Variants in RNF114 observed in about 807,000 individuals in gnomAD.
The protein encoded by RNF114 is ring finger protein 114, also known as E3 ubiquitin-protein ligase RNF114.
In RNF114, 6 loss-of-function variants were observed where a neutral mutation model predicts 28.4. The ratio of observed to expected loss-of-function variants is 0.21; its 90% CI spans 0.12 to 0.42. The LOEUF (loss-of-function observed/expected upper bound fraction) is 0.42. RNF114 is among the 10% of genes least tolerant of loss of function. RNF114 has a pLI of 1.00. For synonymous variants in RNF114, 115 were observed against 116.7 expected, an observed-to-expected ratio of 0.99 and a Z score of 0.09; for missense variants, 249 against 311.7, an observed-to-expected ratio of 0.80 and a Z score of 1.51.
At chr20:49,944,775 G>A (rs988520917) in intron 2 of RNF114, 2 of 152,236 alleles carry the variant, frequency 1.3e-5, no homozygotes, top group African/African-American at 4.8e-5. Flanking sequence ...CAGCTACTCA[G>A]GAGGCTGAGG....
chr20:49,941,553 T>C lies in RNF114; in HGVS notation c.141-8T>C. On this transcript the variant is annotated splice_region_variant and splice_polypyrimidine_tract_variant and intron_variant, in intron 1 of 5. Coordinates refer to ENST00000244061, the MANE Select transcript of RNF114 (RefSeq NM_018683.4). ...CGTGACAGAGGTTCTCTGTATGTCT[T>C]GTTCTAGCTTTTGCTCTGCATGCCT... is the stretch of plus-strand genomic sequence containing the variant. 1 of 1,578,682 alleles carries C rather than the reference T, an allele frequency of 6.3e-7. No homozygotes were observed. Among genetic ancestry groups the C allele is most frequent in the Non-Finnish European group, 8.6e-7 (1 of 1,159,846 alleles).
intron 1 of RNF114, 142 bp downstream of exon 1, chr20:49,936,694 C>A: frequency 1.0e-6 from 1 of 990,784 alleles, no homozygotes. Flanking sequence ...CTCCTAAGGG[C>A]CGTGAAAGCT....
chr20:49,950,308 T>G (rs997491053), intron 5 of RNF114, among the ~76,000 whole-genome samples: 7 of 151,702 alleles, frequency 4.6e-5, no homozygotes, highest in African/African-American at 9.7e-5. Context: ...TACTTGCTCT[T>G]TCCATCTCCT....
At position 49,949,248 on chromosome 20, in the gene RNF114, G is replaced by T. The variant is rs1435998029; in HGVS notation, c.514G>T (p.Val172Phe). The change falls in exon 5 of 6, where the codon GTT becomes TTT. Residue 172 changes from valine (V) to phenylalanine (F), a missense_variant and splice_region_variant. This residue lies in a region of RNF114 where 126 missense variants were observed against 205.3 expected (regional missense o/e 0.61). Transcript: ENST00000244061. ...TAAGACCTTGCTTTTGTGTTGAAAG[G>T]TTTGTCCGATATGTGCCTCGATGCC... ...LFHSTDTKSVVCPICASMPWG... is the reference protein window; with the variant it reads ...LFHSTDTKSVFCPICASMPWG... The T allele has an allele frequency of 1.9e-6, 3 of 1,613,924 alleles. No individual in the cohort carries two copies. Among genetic ancestry groups the T allele is most frequent in the African/African-American group, 2.7e-5 (2 of 74,934 alleles).
chr20:49,945,376 T>C lies in RNF114; in HGVS notation c.292-6T>C. The C allele has an allele frequency of 6.3e-7, 1 of 1,587,798 alleles. No individual in the cohort carries two copies. The highest frequency in any genetic ancestry group is 8.6e-7 in the Non-Finnish European group (1 of 1,156,090). On this transcript the variant is annotated splice_polypyrimidine_tract_variant and splice_region_variant and intron_variant, in intron 2 of 5. Coordinates refer to ENST00000244061, the MANE Select transcript of RNF114 (RefSeq NM_018683.4). ...AACTTATGGGCTCTGATTCTTCCTA[T>C]TTGAGTTCTTCCTGTCCAAGATCCG...
At chr20:49,947,021 A>G (rs1272297048) in intron 4 of RNF114, among the ~76,000 whole-genome samples, 3 of 152,076 alleles carry the variant, frequency 2.0e-5, no homozygotes, top group Non-Finnish European at 4.4e-5. Flanking sequence ...GGAGTTCAAG[A>G]TCAGCCTGGC....
chr20:49,940,774 C>G (rs187907878), intron 1 of RNF114, among the ~76,000 whole-genome samples: 63 of 151,478 alleles, frequency 4.2e-4, no homozygotes, highest in South Asian at 2.1e-3. Flanking sequence ...CTCCACCCCC[C>G]CCTTGAGACA....
rs891171942 is a variant in RNF114, at chr20:49,953,167, C to A, written c.*1026C>A. 6.6e-6 allele frequency: 1 copy of A among 152,048 alleles called. No individual in the cohort carries two copies. Among genetic ancestry groups the A allele is most frequent in the Non-Finnish European group, 1.5e-5 (1 of 68,032 alleles). The allele number at this position is 152,048 out of a possible 1,614,324, so 9.4% of individuals were successfully genotyped here. A position where few individuals can be genotyped will look rare whatever the true frequency, so the allele number is the denominator to read the frequency against. On this transcript the variant is annotated 3_prime_UTR_variant, in exon 6 of 6. Transcript: ENST00000244061. ...CGACATGTAAAATGTGTTTGAAAACCTGCTTTGTAGATGCAGAGAGAAGCT... is the reference window on the plus strand; with the variant it reads ...CGACATGTAAAATGTGTTTGAAAACATGCTTTGTAGATGCAGAGAGAAGCT...
intron 1 of RNF114, among the ~76,000 whole-genome samples, chr20:49,937,754 C>T (rs1334001441): frequency 6.6e-6 from 1 of 152,138 alleles, no homozygotes; most frequent in East Asian, 1.9e-4. Flanking sequence ...CAAATACCAT[C>T]CCCATCTAAA....
chr20:49,949,062 T>G (rs765356724), intron 4 of RNF114, among the ~76,000 whole-genome samples, 186 bp from the exon 5 acceptor site: 1 of 152,216 alleles, frequency 6.6e-6, no homozygotes, highest in Non-Finnish European at 1.5e-5. Flanking sequence ...GTCCCACGTG[T>G]CATTTGACTT....
chr20:49,947,089 G>A (rs200406578), intron 4 of RNF114, among the ~76,000 whole-genome samples: 7 of 151,818 alleles, frequency 4.6e-5, no homozygotes, highest in African/African-American at 1.5e-4. Flanking sequence ...GCATGGTGGC[G>A]GGCGCCTTTA....
rs747764546 is a variant in RNF114, at chr20:49,936,436, C to T, written c.24C>T (p.Cys8=). The stretch of plus-strand genomic sequence containing the variant: ...AGATGGCGGCGCAACAGCGGGACTG[C>T]GGGGGTGCTGCGCAGCTGGCGGGGC... MAAQQRD[C]GGAAQLAGPA... is the part of the protein sequence containing the mutation. Residue 8 remains cysteine (C), a synonymous_variant, in exon 1 of 6, where the codon TGC becomes TGT. Coordinates refer to ENST00000244061, the MANE Select transcript of RNF114 (RefSeq NM_018683.4). 77 of 1,538,370 alleles carry T rather than the reference C, an allele frequency of 5.0e-5. No homozygotes were observed. Among genetic ancestry groups the T allele is most frequent in the East Asian group, 1.3e-4 (5 of 38,492 alleles).
Position 49,946,260 on chromosome 20 carries a change from CT to C in RNF114, c.513+25del, listed in dbSNP as rs34310744. On this transcript the variant is annotated intron_variant, in intron 4 of 5. Transcript: ENST00000244061. ...GGATACCAAATCTGTGGTGAGTAACCTTTTTTTTTTTTTTTAAACTTCATTA... is the reference window on the plus strand; with the variant it reads ...GGATACCAAATCTGTGGTGAGTAACCTTTTTTTTTTTTTTAAACTTCATTA... The C allele has an allele frequency of 0.11, 118,570 of 1,048,554 alleles. 3 individuals carry two copies. Among genetic ancestry groups the C allele is most frequent in the East Asian group, 0.15 (5,484 of 36,724 alleles). 65.0% of individuals were successfully genotyped at this position (1,048,554 alleles called of 1,614,324 possible).
At chr20:49,945,969 T>A (rs1282554749) in intron 3 of RNF114, among the ~76,000 whole-genome samples, 167 bp from the exon 4 acceptor site, 1 of 152,142 alleles carries the variant, frequency 6.6e-6, no homozygotes, top group Non-Finnish European at 1.5e-5. Flanking sequence ...CCCGGCCAGC[T>A]GAGCTGTTAT....
intron 4 of RNF114, among the ~76,000 whole-genome samples, chr20:49,947,788 T>G (rs946410118): frequency 2.4e-4 from 23 of 95,762 alleles, no homozygotes; most frequent in African/African-American, 9.0e-4. Context: ...TTTTTTTTTT[T>G]TTTTTTTTTT....
chr20:49,946,496 G>C (rs138397908), intron 4 of RNF114, among the ~76,000 whole-genome samples: 1 of 152,302 alleles, frequency 6.6e-6, no homozygotes, highest in Non-Finnish European at 1.5e-5. Flanking sequence ...ATACAGGAGT[G>C]TGTATGTCTT....
chr20:49,944,525 T>G (rs933548449), intron 2 of RNF114: 1 of 152,206 alleles, frequency 6.6e-6, no homozygotes, highest in African/African-American at 2.4e-5. Context: ...AAACCTGTAA[T>G]GAAGCACTAT....
chr20:49,939,183 TC>T (rs1353228617), intron 1 of RNF114, among the ~76,000 whole-genome samples: 1 of 152,208 alleles, frequency 6.6e-6, no homozygotes, highest in East Asian at 1.9e-4. Flanking sequence ...TTGCCATATT[TC>T]CTTCATATTT....
At chr20:49,949,434 G>T in intron 5 of RNF114, 79 bp downstream of exon 5, 1 of 1,196,582 alleles carries the variant, frequency 8.4e-7, no homozygotes, top group South Asian at 1.2e-5. Flanking sequence ...AGGGGAAATG[G>T]GGATCCCCAG....
Sources: gnomAD v4.1 joint callset for allele counts (sites outside exome capture counted in the v4.1 genomes callset) on GRCh38, gnomAD v4.1.1 for gene constraint, gnomAD v4.1.1 regional missense constraint, MANE v1.5 for transcripts, NCBI Gene and HGNC (gene_info 2026-07-23, HGNC 2026-07-21) for gene names.